CENPP: variants seen among roughly 807,000 people sequenced by gnomAD.
CENPP encodes centromere protein P.
Under a neutral mutation model 35.6 loss-of-function variants are expected in CENPP, and 24 were observed. That is an observed-to-expected ratio of 0.67 (90% CI 0.49 to 0.95). CENPP has a LOEUF of 0.95. Among genes scored for constraint, CENPP ranks in the 40% least tolerant of loss-of-function variants. CENPP has a pLI of 0.00. For synonymous variants in CENPP, 120 were observed against 125.5 expected, an observed-to-expected ratio of 0.96 and a Z score of 0.29; for missense variants, 332 against 345.3, an observed-to-expected ratio of 0.96 and a Z score of 0.31.
chr9:92,562,202 C>CTTTTTT (rs373787447), intron 5 of CENPP, among the ~76,000 whole-genome samples: 2 of 133,440 alleles, frequency 1.5e-5, no homozygotes, highest in Non-Finnish European at 1.6e-5. Flanking sequence ...TCTTTTTTTT[C>CTTTTTT]TTTTCTTTTT....
At chr9:92,544,779 G>A (rs1022818936) in intron 5 of CENPP, among the ~76,000 whole-genome samples, 2 of 148,642 alleles carry the variant, frequency 1.3e-5, no homozygotes, top group South Asian at 2.1e-4. Context: ...GCAGTGGCGC[G>A]ATCTCAGCTC....
Position 92,416,780 on chromosome 9 carries a change from TGAAGTTTTG to T in CENPP, c.564+36929_564+36937del, listed in dbSNP as rs1214341319. ...TTTGTTGTGTGACATTCTTAGAGTA[TGAAGTTTTG>T]GAAGTTTGTCGAAGTATTTTTCGGG... is the stretch of plus-strand genomic sequence containing the variant. On this transcript the variant is annotated intron_variant, in intron 5 of 7. Coordinates refer to ENST00000375587, the MANE Select transcript of CENPP (RefSeq NM_001012267.3). The T allele has an allele frequency of 5.0e-6, 8 of 1,613,808 alleles. No homozygotes were observed. In the Admixed American group the frequency reaches 1.3e-4, roughly 27 times the overall value.
intron 5 of CENPP, among the ~76,000 whole-genome samples, chr9:92,429,789 A>G (rs887702415): frequency 2.5e-5 from 3 of 118,542 alleles, no homozygotes; most frequent in African/African-American, 1.4e-4. Context: ...CTCCGTCTCA[A>G]AATCATCATC....
chr9:92,606,310 A>T (rs1204370181), intron 5 of CENPP, among the ~76,000 whole-genome samples: 2 of 152,194 alleles, frequency 1.3e-5, no homozygotes, highest in Non-Finnish European at 2.9e-5. Context: ...TCTCCAAAGA[A>T]GGTATACAAA....
intron 5 of CENPP, among the ~76,000 whole-genome samples, chr9:92,609,139 T>C (rs1034297713): frequency 1.3e-5 from 2 of 152,252 alleles, no homozygotes; most frequent in Non-Finnish European, 2.9e-5. Context: ...TACATTTTCT[T>C]ATGGAAACTG....
intron 5 of CENPP, among the ~76,000 whole-genome samples, chr9:92,475,320 G>A (rs528803668): frequency 6.3e-4 from 95 of 151,976 alleles, no homozygotes; most frequent in Admixed American, 9.2e-4. Context: ...TTAAATATGG[G>A]ATATTATCTT....
Position 92,476,705 on chromosome 9 carries a change from TG to T in CENPP, c.564+96848del, listed in dbSNP as rs1845726016. 6.6e-6 allele frequency among the ~76,000 whole-genome samples: 1 copy of T among 152,198 alleles called. No homozygotes were observed. Among genetic ancestry groups the T allele is most frequent in the African/African-American group, 2.4e-5 (1 of 41,448 alleles). ...AGCCTCCCATCTGTACACTACTTTG[TG>T]GAGGTGTTAATTCAGATGTTATTCT... On this transcript the variant is annotated intron_variant, in intron 5 of 7. Transcript: ENST00000375587. This position sits in a 1 kb window ranked among gnomAD's most constrained non-coding sequence, Gnocchi z 4.1.
intron 5 of CENPP, among the ~76,000 whole-genome samples, chr9:92,579,996 G>C (rs1305459624): frequency 2.7e-5 from 4 of 149,100 alleles, no homozygotes; most frequent in Non-Finnish European, 4.5e-5. Context: ...AATTTATTGA[G>C]AGTTTTTAGC....
intron 5 of CENPP, chr9:92,390,002 C>G (rs1249992476): frequency 1.2e-6 from 2 of 1,609,344 alleles, no homozygotes; most frequent in Non-Finnish European, 1.7e-6. Flanking sequence ...TGAAAAAGTA[C>G]CATCTTCTAT....
At chr9:92,367,401 A>G (rs1009096506) in intron 4 of CENPP, among the ~76,000 whole-genome samples, 3 of 152,060 alleles carry the variant, frequency 2.0e-5, no homozygotes, top group African/African-American at 7.2e-5. Flanking sequence ...TCTTGGTCTT[A>G]GGTGATCTGT....
chr9:92,336,939 T>C (rs1400477890), intron 2 of CENPP, among the ~76,000 whole-genome samples: 1 of 152,110 alleles, frequency 6.6e-6, no homozygotes, highest in Non-Finnish European at 1.5e-5. Flanking sequence ...GTTGAAAAAA[T>C]AAAAAGCATT....
chr9:92,404,454 T>C lies in CENPP; in HGVS notation c.564+24595T>C, dbSNP rs374524047. ...ACTATTAGATGAGTCAGTCGCACTT[T>C]AACAAACAATATTTAAAATAATATA... On this transcript the variant is annotated intron_variant, in intron 5 of 7. Coordinates refer to ENST00000375587, the MANE Select transcript of CENPP (RefSeq NM_001012267.3). The C allele has an allele frequency of 3.4e-4, 418 of 1,215,512 alleles. 1 individual carries two copies. Among genetic ancestry groups the C allele is most frequent in the Non-Finnish European group, 3.7e-4 (343 of 936,582 alleles). 75.3% of individuals were successfully genotyped at this position (1,215,512 alleles called of 1,614,324 possible).
intron 3 of CENPP, among the ~76,000 whole-genome samples, chr9:92,341,987 A>C (rs936440803): frequency 5.9e-5 from 9 of 152,236 alleles, no homozygotes. Context: ...AGGTACTAGA[A>C]GTGTATTTCT....
chr9:92,550,933 C>T (rs1427207783), intron 5 of CENPP, among the ~76,000 whole-genome samples: 1 of 152,176 alleles, frequency 6.6e-6, no homozygotes, highest in Non-Finnish European at 1.5e-5. Context: ...GCTCTTTCCC[C>T]AGCTCCATAT....
chr9:92,366,923 T>C (rs1329904174), intron 4 of CENPP, among the ~76,000 whole-genome samples: 1 of 152,168 alleles, frequency 6.6e-6, no homozygotes, highest in African/African-American at 2.4e-5. Context: ...GCCGACATGA[T>C]TCCTTAAGTG....
intron 5 of CENPP, among the ~76,000 whole-genome samples, chr9:92,582,487 G>T (rs1850451025): frequency 6.6e-6 from 1 of 152,138 alleles, no homozygotes; most frequent in Admixed American, 6.5e-5. Context: ...CTCTTCCCAA[G>T]ATAACAAGTG....
intron 5 of CENPP, among the ~76,000 whole-genome samples, chr9:92,473,514 C>T (rs1845603184): frequency 6.6e-6 from 1 of 152,304 alleles, no homozygotes; most frequent in African/African-American, 2.4e-5. Context: ...CCCTAACTAA[C>T]CTCTTCTCAC....
At chr9:92,326,957 C>T (rs1840550424) in intron 1 of CENPP, among the ~76,000 whole-genome samples, 1 of 152,096 alleles carries the variant, frequency 6.6e-6, no homozygotes, top group Admixed American at 6.5e-5. Flanking sequence ...TGTCTGCGTG[C>T]GGTCATGAAA....
chr9:92,479,394 T>C (rs1845830838), intron 5 of CENPP, among the ~76,000 whole-genome samples: 1 of 152,228 alleles, frequency 6.6e-6, no homozygotes, highest in South Asian at 2.1e-4. Flanking sequence ...GCATTATCTT[T>C]AGCTGTTGGG....
Sources: gnomAD v4.1 joint callset for allele counts (sites outside exome capture counted in the v4.1 genomes callset) on GRCh38, gnomAD v4.1.1 for gene constraint, Gnocchi (gnomAD v3.1) non-coding constraint, MANE v1.5 for transcripts, NCBI Gene and HGNC (gene_info 2026-07-23, HGNC 2026-07-21) for gene names.